Variants in BPTF observed in about 807,000 individuals in gnomAD.
The protein encoded by BPTF is bromodomain PHD finger transcription factor, also known as nucleosome-remodeling factor subunit BPTF.
Under a neutral mutation model 292.5 loss-of-function variants are expected in BPTF, and 18 were observed. That is an observed-to-expected ratio of 0.06 (90% CI 0.04 to 0.09). The LOEUF is 0.09. BPTF is among the 10% of genes least tolerant of loss of function. BPTF has a pLI of 1.00. For missense variants in BPTF, 2,726 were observed against 3,498.7 expected (o/e 0.78, Z 5.57); for synonymous variants, 1,225 against 1,251.9 (o/e 0.98, Z 0.45).
At chr17:67,849,980 C>T (rs753832966) in intron 1 of BPTF, among the ~76,000 whole-genome samples, 31 of 151,978 alleles carry the variant, frequency 2.0e-4, no homozygotes, top group Non-Finnish European at 4.0e-4. Context: ...CTATTCTAGG[C>T]CTATTGAATC....
intron 26 of BPTF, among the ~76,000 whole-genome samples, chr17:67,970,494 T>C (rs2068647150): frequency 6.6e-6 from 1 of 152,170 alleles, no homozygotes; most frequent in Non-Finnish European, 1.5e-5. Flanking sequence ...AATATAGATC[T>C]CTAAAACGTA....
chr17:67,964,336 A>G lies in BPTF; in HGVS notation c.8386A>G (p.Met2796Val). The G allele has an allele frequency of 6.2e-7, 1 of 1,614,224 alleles. No homozygotes were observed. Among genetic ancestry groups the G allele is most frequent in the Non-Finnish European group, 8.5e-7 (1 of 1,180,038 alleles). Residue 2796 changes from methionine (M) to valine (V), a missense_variant, in exon 25 of 28, where the codon ATG (methionine) becomes GTG (valine). By Grantham distance (21) the Met-to-Val change is conservative. Around this residue, in one of 22 missense-constraint regions of BPTF, gnomAD observed 48 missense variants for 114.2 expected, o/e 0.42. Transcript: ENST00000306378. ...ACAGTGCCAGTCAACAGAGGATGCCATGACAGTGCTCACGCCACTAACAGA... is the reference window on the plus strand; with the variant it reads ...ACAGTGCCAGTCAACAGAGGATGCCGTGACAGTGCTCACGCCACTAACAGA... ...CPQCQSTEDA[M>V]TVLTPLTEKD...
chr17:67,871,715 A>G (rs193042419), intron 3 of BPTF, among the ~76,000 whole-genome samples: 1 of 152,312 alleles, frequency 6.6e-6, no homozygotes, highest in East Asian at 1.9e-4. Context: ...TTGTTGATAG[A>G]ATATGCATAT....
chr17:67,979,883 T>TA (rs1174722268), intron 27 of BPTF, among the ~76,000 whole-genome samples: 2 of 146,764 alleles, frequency 1.4e-5, no homozygotes, highest in Non-Finnish European at 3.0e-5. Context: ...TACACTAAAA[T>TA]AAAAAAATTA....
At chr17:67,932,632 C>G (rs1310149811) in intron 18 of BPTF, among the ~76,000 whole-genome samples, 2 of 152,238 alleles carry the variant, frequency 1.3e-5, no homozygotes, top group East Asian at 3.9e-4. Context: ...AACCAGGAGG[C>G]AGAGGTTGCA....
At chr17:67,896,182 TC>T (rs1388904010) in intron 7 of BPTF, among the ~76,000 whole-genome samples, 1 of 152,166 alleles carries the variant, frequency 6.6e-6, no homozygotes, top group Non-Finnish European at 1.5e-5. Flanking sequence ...CAGGATGGTC[TC>T]CATCTCCTGA....
chr17:67,870,745 C>T (rs1220833911), intron 3 of BPTF, among the ~76,000 whole-genome samples: 1 of 143,012 alleles, frequency 7.0e-6, no homozygotes, highest in Non-Finnish European at 1.6e-5. Flanking sequence ...ATGTTAACCT[C>T]TCAAAGAAAA....
chr17:67,885,259 C>A (rs1371187134), intron 4 of BPTF, among the ~76,000 whole-genome samples: 1 of 152,142 alleles, frequency 6.6e-6, no homozygotes, highest in African/African-American at 2.4e-5. Flanking sequence ...GAACTATACT[C>A]TTAGTGATAC....
At chr17:67,860,386 A>G (rs1200665669) in intron 2 of BPTF, among the ~76,000 whole-genome samples, 2 of 152,208 alleles carry the variant, frequency 1.3e-5, no homozygotes, top group Non-Finnish European at 1.5e-5. Flanking sequence ...TTTTAATTGT[A>G]ATGTTACCAA....
intron 1 of BPTF, among the ~76,000 whole-genome samples, chr17:67,841,561 G>A (rs2057560234): frequency 6.6e-6 from 1 of 151,034 alleles, no homozygotes; most frequent in South Asian, 2.1e-4. Flanking sequence ...CATGATATTC[G>A]TCTATTGTTT....
chr17:67,933,026 C>A (rs1416612441), intron 18 of BPTF, among the ~76,000 whole-genome samples: 1 of 151,658 alleles, frequency 6.6e-6, no homozygotes, highest in African/African-American at 2.4e-5. Flanking sequence ...CCAAGGCAGG[C>A]CAGATCACCT....
At position 67,982,423 on chromosome 17, in the gene BPTF, A is replaced by AC; in HGVS notation, c.*136dup. On this transcript the variant is annotated 3_prime_UTR_variant, in exon 28 of 28. Transcript: ENST00000306378. ...CTAAACTTCGTTTTTATTGGTCATA[A>AC]CAGTCCAATTATATTCTTGGCCAAT... 1 of 726,764 alleles carries AC rather than the reference A, an allele frequency of 1.4e-6. No homozygotes were observed. Among genetic ancestry groups the AC allele is most frequent in the Non-Finnish European group, 2.2e-6 (1 of 462,314 alleles). 45.0% of individuals were successfully genotyped at this position (726,764 alleles called of 1,614,324 possible).
intron 26 of BPTF, among the ~76,000 whole-genome samples, chr17:67,968,056 G>C (rs781949265): frequency 8.0e-5 from 8 of 100,356 alleles, no homozygotes; most frequent in Non-Finnish European, 1.7e-4. Flanking sequence ...AATGGTAATA[G>C]GAGCCACGAG....
chr17:67,953,182 C>T (rs2066551092), intron 23 of BPTF, among the ~76,000 whole-genome samples: 2 of 151,496 alleles, frequency 1.3e-5, no homozygotes, highest in Non-Finnish European at 2.9e-5. Context: ...AGGATGGTCT[C>T]GATCTCCTGA....
chr17:67,896,208 C>T (rs966485948), intron 7 of BPTF, among the ~76,000 whole-genome samples: 9 of 152,094 alleles, frequency 5.9e-5, no homozygotes, highest in Middle Eastern at 3.4e-3. Context: ...GTGATCCGCC[C>T]GCCTTGGCCT....
chr17:67,984,025 T>G lies in BPTF; in HGVS notation c.*1737T>G, dbSNP rs1482943148. On this transcript the variant is annotated 3_prime_UTR_variant, in exon 28 of 28. Coordinates refer to ENST00000306378, the MANE Select transcript of BPTF (RefSeq NM_182641.4). ...GCTCAATATGAAAACATGAAAAAAT[T>G]TTTGCTTAAAGTATTAAGATGGAAG... The G allele has an allele frequency of 6.6e-6, 1 of 152,552 alleles. No individual in the cohort carries two copies. The highest frequency in any genetic ancestry group is 1.5e-5 in the Non-Finnish European group (1 of 68,028). The allele number at this position is 152,552 out of a possible 1,614,324, so 9.4% of individuals were successfully genotyped here.
intron 3 of BPTF, among the ~76,000 whole-genome samples, chr17:67,868,639 A>G (rs2059528635): frequency 6.6e-6 from 1 of 152,234 alleles, no homozygotes; most frequent in African/African-American, 2.4e-5. Context: ...TACACTTTTA[A>G]GTGCCTGGTT....
intron 25 of BPTF, 25 bp from the exon 26 acceptor site, chr17:67,966,547 T>C: frequency 6.2e-7 from 1 of 1,600,098 alleles, no homozygotes; most frequent in Non-Finnish European, 8.6e-7. Flanking sequence ...TCACTGACAA[T>C]AATGATGCTG....
intron 21 of BPTF, 76 bp downstream of exon 21, chr17:67,946,401 G>C (rs1210302000): frequency 6.5e-7 from 1 of 1,534,892 alleles, no homozygotes; most frequent in Admixed American, 2.0e-5. Context: ...GTGTTTGGTT[G>C]TGTTAGGTTT....
Sources: gnomAD v4.1 joint callset for allele counts (sites outside exome capture counted in the v4.1 genomes callset) on GRCh38, gnomAD v4.1.1 for gene constraint, gnomAD v4.1.1 regional missense constraint, MANE v1.5 for transcripts, NCBI Gene and HGNC (gene_info 2026-07-23, HGNC 2026-07-21) for gene names.